The following MTFR1 variants were observed in gnomAD, a reference collection of about 807,000 sequenced individuals.
The protein encoded by MTFR1 is chondrocyte protein with a poly-proline region.
A neutral mutation model predicts 38.8 loss-of-function variants in MTFR1; 28 were observed. The ratio of observed to expected loss-of-function variants is 0.72; its 90% confidence interval spans 0.53 to 0.99. The LOEUF (loss-of-function observed/expected upper bound fraction) is 0.99, where lower values mean the gene tolerates loss of function less well. Among genes scored for constraint, MTFR1 ranks in the 50% least tolerant of loss-of-function variants. The pLI is 0.00. For missense variants in MTFR1, 358 were observed against 395.5 expected (o/e 0.91, Z 0.81); for synonymous variants, 145 against 137.0 (o/e 1.06, Z -0.41).
At chr8:65,663,839 T>C (rs1166515274) in intron 1 of MTFR1, among the ~76,000 whole-genome samples, 1 of 146,898 alleles carries the variant, frequency 6.8e-6, no homozygotes, top group African/African-American at 2.5e-5. Context: ...TTTTTTTTTT[T>C]TTTGAGACGG....
At chr8:65,722,075 C>T (rs1806402714) in intron 3 of MTFR1, 1 of 152,200 alleles carries the variant, frequency 6.6e-6, no homozygotes, top group South Asian at 2.1e-4. Flanking sequence ...CAAGTATGAG[C>T]TACCGCTCCT....
At chr8:65,664,465 A>T (rs1213993102) in intron 1 of MTFR1, among the ~76,000 whole-genome samples, 1 of 152,128 alleles carries the variant, frequency 6.6e-6, no homozygotes, top group Admixed American at 6.6e-5. Context: ...ATGGATATTG[A>T]CTCAGTTCTT....
In MTFR1 at chr8:65,708,000, G is replaced by T. The variant is rs1476444768; in HGVS notation, c.922G>T (p.Glu308Ter). The T allele has an allele frequency of 1.9e-6, 3 of 1,612,348 alleles. No homozygotes were observed. The Admixed American group carries it at 5.0e-5, about 27-fold the overall frequency. Residue 308 changes from glutamate to a stop codon, truncating the protein, a stop_gained, in exon 7 of 8, where the codon GAG (glutamate) becomes TAG (stop). Transcript: ENST00000262146. LOFTEE classifies it high-confidence loss of function. Reference protein sequence around the residue: ...IPKSESEATSERVLFGPHMLK... With the variant: ...IPKSESEATS ...AAAGTCTGAATCAGAGGCCACCTCA[G>T]AGAGAGTGTTGGTGAGTTATTTGCC...
intron 1 of MTFR1, among the ~76,000 whole-genome samples, chr8:65,658,599 C>T (rs1233404399): frequency 1.3e-5 from 2 of 152,130 alleles, no homozygotes; most frequent in Non-Finnish European, 2.9e-5. Context: ...GAATTGAATA[C>T]ACACACATGT....
At chr8:65,694,762 G>C (rs1021486162) in intron 4 of MTFR1, among the ~76,000 whole-genome samples, 1 of 152,226 alleles carries the variant, frequency 6.6e-6, no homozygotes, top group Admixed American at 6.5e-5. Flanking sequence ...GAGATGTTCA[G>C]CAAGACTTCT....
intron 3 of MTFR1, among the ~76,000 whole-genome samples, chr8:65,738,302 T>C (rs1273910030): frequency 6.6e-6 from 1 of 152,198 alleles, no homozygotes; most frequent in Non-Finnish European, 1.5e-5. Context: ...AGCTATCTCT[T>C]GATCTGGGCA....
exon 4 of MTFR1, chr8:65,771,092 T>C (rs576658415): frequency 2.6e-5 from 9 of 341,242 alleles, no homozygotes; most frequent in South Asian, 1.9e-4. Flanking sequence ...TATTGTGGCA[T>C]CTACATAATA....
chr8:65,762,816 A>G lies in MTFR1; in HGVS notation c.*49-8131A>G, dbSNP rs189235840. ...ATTGGAAACATTTAAAATATTTCAG[A>G]ATAAGCATACAATCTCATTACCATA... On this transcript the variant is annotated intron_variant, in intron 3 of 3. Transcript: ENST00000521247. Among the ~76,000 whole-genome samples, 132 of 152,308 alleles carry G rather than the reference A, an allele frequency of 8.7e-4. 1 individual carries two copies. Among genetic ancestry groups the G allele is most frequent in the African/African-American group, 3.0e-3 (124 of 41,576 alleles).
At chr8:65,774,538 T>C (rs1461489450), downstream of MTFR1, among the ~76,000 whole-genome samples, 1 of 152,038 alleles carries the variant, frequency 6.6e-6, no homozygotes, top group Non-Finnish European at 1.5e-5. Flanking sequence ...TTAAAAATTA[T>C]TGACAACCCA....
chr8:65,739,717 T>G (rs1179842083), intron 3 of MTFR1: 4 of 1,093,294 alleles, frequency 3.7e-6, no homozygotes, highest in Admixed American at 9.1e-5. Flanking sequence ...CCACTTTTTG[T>G]CTATCAAAAA....
At chr8:65,706,942 T>G in intron 5 of MTFR1, 68 bp from the exon 6 acceptor site, 1 of 1,504,542 alleles carries the variant, frequency 6.6e-7, no homozygotes. Flanking sequence ...ATCATTTTGC[T>G]TTTAAAAACT....
At chr8:65,747,803 G>A in intron 3 of MTFR1, 2 of 1,595,002 alleles carry the variant, frequency 1.3e-6, no homozygotes, top group Non-Finnish European at 1.7e-6. Flanking sequence ...TTCAGATTGA[G>A]CTGAAATAAA....
At chr8:65,751,579 G>A (rs940933112) in intron 3 of MTFR1, among the ~76,000 whole-genome samples, 6 of 151,932 alleles carry the variant, frequency 3.9e-5, no homozygotes, top group South Asian at 2.1e-4. Flanking sequence ...CGCAACCTCC[G>A]CCTCCGGGGT....
chr8:65,710,576 A>AT (rs1176993963), downstream of MTFR1: 2 of 152,404 alleles, frequency 1.3e-5, no homozygotes, highest in Non-Finnish European at 2.9e-5. Flanking sequence ...TAGTGCTTCC[A>AT]TTTTTTCTTT....
intron 1 of MTFR1, among the ~76,000 whole-genome samples, chr8:65,667,521 G>A (rs113799892): frequency 0.13 from 20,005 of 151,814 alleles, 1,394 homozygotes; most frequent in Middle Eastern, 0.17. Flanking sequence ...TCTGCATTCC[G>A]GGTTCAAGCG....
chr8:65,747,713 C>A (rs148818295), intron 3 of MTFR1: 92 of 1,611,288 alleles, frequency 5.7e-5, no homozygotes, highest in Non-Finnish European at 7.2e-5. Context: ...CGCAGTACCA[C>A]GAAAAAAGCG....
intron 3 of MTFR1, among the ~76,000 whole-genome samples, chr8:65,748,980 T>C (rs1807809365): frequency 6.6e-6 from 1 of 152,202 alleles, no homozygotes. Flanking sequence ...ATCATCTTAA[T>C]ATGAACTTCA....
chr8:65,729,181 A>G (rs1806730825), intron 3 of MTFR1, among the ~76,000 whole-genome samples: 1 of 152,192 alleles, frequency 6.6e-6, no homozygotes, highest in Non-Finnish European at 1.5e-5. Flanking sequence ...TATTTAACAT[A>G]TGTGAAGGTC....
chr8:65,649,525 A>G (rs964342977), intron 1 of MTFR1, among the ~76,000 whole-genome samples: 1 of 152,044 alleles, frequency 6.6e-6, no homozygotes. Context: ...CATAATAGGT[A>G]TATGTATTTA....
Sources: allele counts gnomAD v4.1 joint callset (sites outside exome capture counted in the v4.1 genomes callset), GRCh38; gene constraint gnomAD v4.1.1; transcripts MANE v1.5; gene names NCBI Gene and HGNC (gene_info 2026-07-23, HGNC 2026-07-21).